Variants in AOPEP observed in about 807,000 individuals in gnomAD.
AOPEP encodes aminopeptidase O.
Under a neutral mutation model 98.1 loss-of-function variants are expected in AOPEP, and 77 were observed. That is an observed-to-expected ratio of 0.78 (90% CI 0.65 to 0.95). The LOEUF (loss-of-function observed/expected upper bound fraction) is 0.95. AOPEP is among the 40% of genes least tolerant of loss of function. AOPEP has a pLI of 0.00. For synonymous variants in AOPEP, 346 were observed against 365.3 expected, an observed-to-expected ratio of 0.95 and a Z score of 0.60; for missense variants, 1,024 against 1,024.7, an observed-to-expected ratio of 1.00 and a Z score of 0.01.
intron 13 of AOPEP, among the ~76,000 whole-genome samples, chr9:95,011,836 T>G (rs1476807253): frequency 1.3e-5 from 2 of 152,046 alleles, no homozygotes; most frequent in Admixed American, 6.6e-5. Context: ...AAAAAATCTA[T>G]AGTTTAAAAA....
chr9:95,106,180 G>A, the AOPEP span, among the ~76,000 whole-genome samples: 2 of 152,074 alleles, frequency 1.3e-5, no homozygotes, highest in African/African-American at 2.4e-5. Flanking sequence ...AGTGCATCTC[G>A]CTGCACTTTG....
At chr9:94,977,837 C>T (rs1302428027) in intron 10 of AOPEP, among the ~76,000 whole-genome samples, 1 of 152,212 alleles carries the variant, frequency 6.6e-6, no homozygotes, top group Non-Finnish European at 1.5e-5. Context: ...CTCTTGCCTG[C>T]TAATCACACA....
In AOPEP at chr9:94,774,265, T is replaced by A. The variant is rs559260497; in HGVS notation, c.964+1097T>A. On this transcript the variant is annotated intron_variant, in intron 3 of 16. Coordinates refer to ENST00000375315, the MANE Select transcript of AOPEP (RefSeq NM_001193329.3). Reference sequence around the variant, plus strand: ...AGATGGAGCTTGCAGTGAGCTGAGATGGCGCCACTGCACTCCAGCCTGGGC... The same window carrying A: ...AGATGGAGCTTGCAGTGAGCTGAGAAGGCGCCACTGCACTCCAGCCTGGGC... Among the ~76,000 whole-genome samples, 14 of 125,790 alleles carry A rather than the reference T, an allele frequency of 1.1e-4. No individual in the cohort carries two copies. The South Asian group carries it at 3.4e-3, about 31-fold the overall frequency. 82.5% of individuals were successfully genotyped at this position (125,790 alleles called of 152,430 possible). A position where few individuals can be genotyped will look rare whatever the true frequency, so the allele number is the denominator to read the frequency against.
At chr9:94,796,616 G>A (rs75810608) in intron 4 of AOPEP, among the ~76,000 whole-genome samples, 9,955 of 152,186 alleles carry the variant, frequency 0.065, 1,083 homozygotes, top group African/African-American at 0.23. Flanking sequence ...TGCCTAAAGT[G>A]CTCATCTGGG....
At chr9:95,034,992 T>A (rs2064664284) in intron 13 of AOPEP, among the ~76,000 whole-genome samples, 1 of 151,682 alleles carries the variant, frequency 6.6e-6, no homozygotes, top group East Asian at 1.9e-4. Context: ...TTTTTTTTTT[T>A]TATACTTTTA....
chr9:94,953,236 G>A (rs1229016858), intron 7 of AOPEP, among the ~76,000 whole-genome samples: 1 of 152,200 alleles, frequency 6.6e-6, no homozygotes, highest in Non-Finnish European at 1.5e-5. Context: ...AGTGAAAAAA[G>A]CTGATTCTTT....
chr9:95,148,673 G>C, the AOPEP span, among the ~76,000 whole-genome samples: 6 of 152,150 alleles, frequency 3.9e-5, no homozygotes. Flanking sequence ...ATAACTCAAT[G>C]AATGAAGATT....
chr9:94,935,555 T>C (rs149076713), intron 7 of AOPEP, among the ~76,000 whole-genome samples: 1 of 152,226 alleles, frequency 6.6e-6, no homozygotes, highest in Non-Finnish European at 1.5e-5. Context: ...CCAGGGTGCA[T>C]GTACCCCTGC....
At chr9:95,082,742 T>G in intron 16 of AOPEP, 23 bp downstream of exon 16, 1 of 1,613,432 alleles carries the variant, frequency 6.2e-7, no homozygotes, top group South Asian at 1.1e-5. Flanking sequence ...CTTTCCTTTC[T>G]GTCATTTAGT....
intron 5 of AOPEP, among the ~76,000 whole-genome samples, chr9:94,896,991 CACCAAAATTTGAATGTGA>C (rs1344723950): frequency 6.8e-6 from 1 of 146,074 alleles, no homozygotes; most frequent in African/African-American, 2.5e-5. Flanking sequence ...AATTAAAAAG[CACCAAAATTTGAATGTGA>C]AACATAAGGT....
the AOPEP span, among the ~76,000 whole-genome samples, chr9:95,105,396 C>T: frequency 1.3e-5 from 2 of 152,188 alleles, no homozygotes; most frequent in East Asian, 3.9e-4. Context: ...TTGTGAAATT[C>T]ATCAAGCTGT....
intron 9 of AOPEP, among the ~76,000 whole-genome samples, chr9:94,956,962 G>A (rs1359178320): frequency 6.6e-6 from 1 of 152,056 alleles, no homozygotes; most frequent in Non-Finnish European, 1.5e-5. Context: ...CTGGGTGTGG[G>A]GAAAATCCTC....
chr9:94,777,398 C>T (rs1362294146), intron 3 of AOPEP, among the ~76,000 whole-genome samples: 15 of 149,948 alleles, frequency 1.0e-4, no homozygotes. Context: ...TGCCACTGCA[C>T]TCCAGTCTGG....
intron 2 of AOPEP, among the ~76,000 whole-genome samples, chr9:94,771,709 G>A (rs773297946): frequency 5.2e-4 from 79 of 151,850 alleles, no homozygotes; most frequent in Middle Eastern, 3.4e-3. Flanking sequence ...CCTTCAGTGT[G>A]GTTGAGTCTC....
At chr9:94,973,608 G>A (rs1192482640) in intron 10 of AOPEP, among the ~76,000 whole-genome samples, 1 of 152,194 alleles carries the variant, frequency 6.6e-6, no homozygotes, top group Non-Finnish European at 1.5e-5. Context: ...GTGCACCAGG[G>A]AACAGCCAGC....
At chr9:94,776,593 C>T (rs931478020) in intron 3 of AOPEP, among the ~76,000 whole-genome samples, 1 of 152,204 alleles carries the variant, frequency 6.6e-6, no homozygotes, top group Non-Finnish European at 1.5e-5. Context: ...TGAGCCACTG[C>T]GCCCGACCTT....
the AOPEP span, among the ~76,000 whole-genome samples, chr9:95,143,882 T>A: frequency 6.6e-6 from 1 of 152,028 alleles, no homozygotes; most frequent in Non-Finnish European, 1.5e-5. Context: ...GCCAAGAAAT[T>A]TAAAAGTTCC....
chr9:95,060,568 C>T, intron 13 of AOPEP, 126 bp from the exon 14 acceptor site: 1 of 709,466 alleles, frequency 1.4e-6, no homozygotes, highest in Non-Finnish European at 2.6e-6. Context: ...ACAGTCTTTC[C>T]ATGTTGCCAA....
intron 5 of AOPEP, among the ~76,000 whole-genome samples, chr9:94,849,883 A>G (rs922301747): frequency 7.2e-5 from 11 of 152,088 alleles, no homozygotes; most frequent in Admixed American, 6.6e-4. Flanking sequence ...AAAAATACAA[A>G]AATTAGCCAG....
Sources: gnomAD v4.1 joint callset for allele counts (sites outside exome capture counted in the v4.1 genomes callset) on GRCh38, gnomAD v4.1.1 for gene constraint, MANE v1.5 for transcripts, NCBI Gene and HGNC (gene_info 2026-07-23, HGNC 2026-07-21) for gene names.